Variants in CTPS2 observed in about 807,000 individuals in gnomAD.
CTPS2 encodes CTP synthase II.
CTPS2 carries 19 observed loss-of-function variants against 46.8 expected under a neutral mutation model. The ratio of observed to expected loss-of-function variants is 0.41; its 90% confidence interval spans 0.28 to 0.60. The LOEUF is 0.60. Among genes scored for constraint, CTPS2 ranks in the 20% least tolerant of loss-of-function variants. The pLI, the probability that CTPS2 is intolerant of heterozygous loss-of-function variation, is 0.35. For missense variants in CTPS2, 286 were observed against 447.6 expected (o/e 0.64, Z 3.26); for synonymous variants, 151 against 165.2 (o/e 0.91, Z 0.66).
chrX:16,649,915 T>A (rs1191617692), intron 13 of CTPS2, among the ~76,000 whole-genome samples: 1 of 111,912 alleles, frequency 8.9e-6, no homozygotes, highest in Non-Finnish European at 1.9e-5. Context: ...TAATTCTACA[T>A]TGGAGGGAAA....
chrX:16,614,592 A>G (rs370276494), intron 16 of CTPS2, among the ~76,000 whole-genome samples: 1 of 112,144 alleles, frequency 8.9e-6, no homozygotes, highest in South Asian at 3.7e-4. Flanking sequence ...TTTCTTAACT[A>G]CTCATCTCTG....
chrX:16,665,412 C>T (rs1921091096), intron 13 of CTPS2, among the ~76,000 whole-genome samples: 2 of 112,409 alleles, frequency 1.8e-5, no homozygotes, highest in Admixed American at 9.4e-5. Context: ...GTTTCATGTC[C>T]ATATAATGAA....
intron 14 of CTPS2, among the ~76,000 whole-genome samples, chrX:16,625,138 T>A (rs1353149985): frequency 8.9e-6 from 1 of 112,200 alleles, no homozygotes; most frequent in Non-Finnish European, 1.9e-5. Flanking sequence ...GCAACCCAAA[T>A]GTTCACTGAG....
intron 8 of CTPS2, 144 bp downstream of exon 8, chrX:16,689,306 T>C: frequency 2.0e-6 from 1 of 509,525 alleles, no homozygotes; most frequent in Non-Finnish European, 3.3e-6. Flanking sequence ...ACCGCAACAG[T>C]ATGCTCCATC....
intron 13 of CTPS2, among the ~76,000 whole-genome samples, chrX:16,657,390 G>C (rs757616501): frequency 1.8e-5 from 2 of 109,945 alleles, no homozygotes; most frequent in Non-Finnish European, 3.8e-5. Context: ...AGCTCAGAGA[G>C]AGAGAAGTAC....
chrX:16,596,301 G>A (rs372524523), intron 17 of CTPS2, among the ~76,000 whole-genome samples: 2,868 of 108,174 alleles, frequency 0.027, 63 homozygotes, highest in East Asian at 0.11. Context: ...CTAACTCGTC[G>A]TCTAGCATTA....
intron 17 of CTPS2, among the ~76,000 whole-genome samples, chrX:16,595,412 T>G (rs1929184268): frequency 9.1e-6 from 1 of 110,332 alleles, no homozygotes; most frequent in Non-Finnish European, 1.9e-5. Context: ...GTTAAAGCAA[T>G]TCTCCTGTCT....
chrX:16,706,385 T>C (rs1336083576), intron 1 of CTPS2, among the ~76,000 whole-genome samples: 1 of 110,785 alleles, frequency 9.0e-6, no homozygotes. Context: ...ATCGTGCCAC[T>C]GCACTCCGGT....
rs1049476033 is a variant in CTPS2 at position 16,639,808 on chromosome X, A to G, written c.1297-565T>C. On this transcript the variant is annotated intron_variant, in intron 13 of 18. Coordinates refer to ENST00000359276, the MANE Select transcript of CTPS2 (RefSeq NM_175859.3). Reference sequence around the variant, plus strand: ...AAGAAAGAAAGAAAGAAAGAAAGAAAGAAAGAAAGAAAGAAAGAAAGAAGA... The same window carrying G: ...AAGAAAGAAAGAAAGAAAGAAAGAAGGAAAGAAAGAAAGAAAGAAAGAAGA... Among the ~76,000 whole-genome samples the G allele has an allele frequency of 6.4e-5, 7 of 109,314 alleles. 1 individual carries two copies. Among genetic ancestry groups the G allele is most frequent in the Admixed American group, 3.0e-4 (3 of 10,097 alleles). The allele number at this position is 109,314 out of a possible 115,157, so 94.9% of individuals were successfully genotyped here.
intron 17 of CTPS2, among the ~76,000 whole-genome samples, chrX:16,601,580 G>T (rs1032865306): frequency 3.1e-4 from 33 of 105,021 alleles, no homozygotes; most frequent in Non-Finnish European, 5.9e-4. Flanking sequence ...ATCGGGGGGG[G>T]GGGGGTTTAA....
chrX:16,604,949 G>C (rs1435607277), intron 17 of CTPS2, among the ~76,000 whole-genome samples: 1 of 111,913 alleles, frequency 8.9e-6, no homozygotes, highest in Non-Finnish European at 1.9e-5. Context: ...TTTCAAAATG[G>C]TTTGTTAGTT....
rs984307130 is a variant in CTPS2 at position 16,588,181 on chromosome X, C to A, written c.*1636G>T. The A allele has an allele frequency of 9.0e-6, 1 of 111,693 alleles. No homozygotes were observed. The highest frequency in any genetic ancestry group is 3.3e-5 in the African/African-American group (1 of 30,619). 9.2% of individuals were successfully genotyped at this position (111,693 alleles called of 1,213,427 possible). ...GGGCCAAAAGACTTCCCAGACAAAG[C>A]ACGCGAAGGGTAGAGGATATAGGTT... On this transcript the variant is annotated 3_prime_UTR_variant, in exon 19 of 19. Transcript: ENST00000359276.
intron 10 of CTPS2, among the ~76,000 whole-genome samples, chrX:16,673,270 G>A (rs61373127): frequency 3.6e-5 from 4 of 111,481 alleles, no homozygotes; most frequent in African/African-American, 9.8e-5. Flanking sequence ...TCTTAGGATA[G>A]AATGTGGGCC....
chrX:16,703,239 C>T (rs1316548990), intron 1 of CTPS2, among the ~76,000 whole-genome samples: 1 of 109,911 alleles, frequency 9.1e-6, no homozygotes, highest in African/African-American at 3.3e-5. Flanking sequence ...GTTGCCCACG[C>T]TGGTCTCCAA....
At chrX:16,607,003 C>A (rs1003075992) in intron 17 of CTPS2, among the ~76,000 whole-genome samples, 1 of 112,640 alleles carries the variant, frequency 8.9e-6, no homozygotes, top group East Asian at 2.8e-4. Context: ...CTGCCCACCT[C>A]GGCCTCCCAA....
intron 14 of CTPS2, 137 bp from the exon 15 acceptor site, chrX:16,620,469 G>A: frequency 2.4e-6 from 1 of 414,759 alleles, no homozygotes; most frequent in South Asian, 6.1e-5. Flanking sequence ...ACTCCATATA[G>A]TCATCTAGAT....
chrX:16,659,037 G>T (rs1932883742), intron 13 of CTPS2, among the ~76,000 whole-genome samples: 1 of 112,018 alleles, frequency 8.9e-6, no homozygotes, highest in Admixed American at 9.5e-5. Context: ...TTTTATTTGA[G>T]ATTTTTCATA....
chrX:16,635,298 T>C (rs1931684891), intron 14 of CTPS2, among the ~76,000 whole-genome samples: 1 of 111,101 alleles, frequency 9.0e-6, no homozygotes, highest in African/African-American at 3.3e-5. Context: ...ACAAAAGAAA[T>C]GTACCAGCTT....
chrX:16,621,172 A>C (rs1930806312), intron 14 of CTPS2, among the ~76,000 whole-genome samples: 1 of 109,128 alleles, frequency 9.2e-6, no homozygotes, highest in Non-Finnish European at 1.9e-5. Flanking sequence ...GGGCATGACC[A>C]GTGTGGCGAT....
Sources: gnomAD v4.1 joint callset for allele counts (sites outside exome capture counted in the v4.1 genomes callset) on GRCh38, gnomAD v4.1.1 for gene constraint, MANE v1.5 for transcripts, NCBI Gene and HGNC (gene_info 2026-07-23, HGNC 2026-07-21) for gene names.